The following TRMT11 variants were observed in gnomAD, a reference collection of about 807,000 sequenced individuals.
The protein encoded by TRMT11 is tRNA methyltransferase 11.
A neutral mutation model predicts 62.8 loss-of-function variants in TRMT11; 53 were observed. That is an observed-to-expected ratio of 0.84 (90% confidence interval 0.68 to 1.06). The LOEUF is 1.06. TRMT11 is among the 50% of genes least tolerant of loss of function. The probability of loss-of-function intolerance (pLI) is 0.00; values close to 1 mark genes in which losing one functional copy is unlikely to be tolerated. For synonymous variants in TRMT11, 188 were observed against 190.3 expected, an observed-to-expected ratio of 0.99 and a Z score of 0.10; for missense variants, 556 against 553.4, an observed-to-expected ratio of 1.00 and a Z score of -0.05.
At chr6:126,056,777 G>C (rs1776386229) in intron 17 of TRMT11, among the ~76,000 whole-genome samples, 1 of 152,212 alleles carries the variant, frequency 6.6e-6, no homozygotes. Flanking sequence ...CTGATGTGCG[G>C]TTAAATGTGC....
chr6:126,053,864 A>G (rs1374340563), intron 17 of TRMT11, among the ~76,000 whole-genome samples: 23 of 152,216 alleles, frequency 1.5e-4, no homozygotes, highest in Non-Finnish European at 2.9e-5. Flanking sequence ...CATCTAAGTT[A>G]ACCCCTAAAG....
chr6:126,228,327 G>A, the TRMT11 span, among the ~76,000 whole-genome samples: 22 of 152,280 alleles, frequency 1.4e-4, no homozygotes, highest in African/African-American at 4.8e-4. Flanking sequence ...GAAGCAAGTC[G>A]CTCTGCTTTC....
intron 1 of TRMT11, among the ~76,000 whole-genome samples, chr6:126,178,728 T>C (rs1174007248): frequency 1.3e-5 from 2 of 152,164 alleles, no homozygotes; most frequent in African/African-American, 4.8e-5. Context: ...TCTTTTTTCT[T>C]GACCCCAGAC....
chr6:126,058,637 C>G (rs1040144164), intron 17 of TRMT11, among the ~76,000 whole-genome samples: 1 of 152,128 alleles, frequency 6.6e-6, no homozygotes, highest in Non-Finnish European at 1.5e-5. Flanking sequence ...AATCCAGGAG[C>G]TGGTTTTTTG....
chr6:125,986,725 G>A, intron 1 of TRMT11, 103 bp downstream of exon 1: 1 of 1,169,100 alleles, frequency 8.6e-7, no homozygotes, highest in Non-Finnish European at 1.2e-6. Flanking sequence ...TGGGATTCGG[G>A]GGTCTTCGCT....
chr6:126,229,715 G>A, the TRMT11 span, among the ~76,000 whole-genome samples: 1 of 152,092 alleles, frequency 6.6e-6, no homozygotes, highest in African/African-American at 2.4e-5. Flanking sequence ...GGCACCTCTG[G>A]CTTTAACTTC....
chr6:126,114,364 G>A (rs573260539), intron 18 of TRMT11, among the ~76,000 whole-genome samples: 1 of 152,188 alleles, frequency 6.6e-6, no homozygotes, highest in South Asian at 2.1e-4. Context: ...ATCCCAGTGA[G>A]GACATCCAGG....
intron 21 of TRMT11, among the ~76,000 whole-genome samples, chr6:126,138,291 G>A (rs1562331440): frequency 3.3e-5 from 5 of 151,760 alleles, no homozygotes; most frequent in Admixed American, 2.6e-4. Context: ...CTGAATATCT[G>A]GTAATATAAA....
chr6:126,125,697 T>C (rs1225954165), intron 21 of TRMT11, among the ~76,000 whole-genome samples: 2 of 152,038 alleles, frequency 1.3e-5, no homozygotes, highest in Non-Finnish European at 2.9e-5. Flanking sequence ...TCTTAGTAAA[T>C]ATCCTAAGAT....
rs373305327 is a variant in TRMT11 at position 125,986,644 on chromosome 6, G to T, written c.72+22G>T. The T allele has an allele frequency of 2.6e-6, 4 of 1,568,438 alleles. No individual in the cohort carries two copies. In the South Asian group the frequency reaches 4.7e-5, roughly 18 times the overall value. ...GCCGGTGAGTCCGTAGCGCCCTCCG[G>T]AACTTCCGACGGAAGAGGACGCTGG... On this transcript the variant is annotated intron_variant, in intron 1 of 12. Transcript: ENST00000334379.
chr6:126,177,221 T>A (rs1778396784), exon 1 of TRMT11: 1 of 152,186 alleles, frequency 6.6e-6, no homozygotes, highest in Non-Finnish European at 1.5e-5. Flanking sequence ...TGAACTTGGG[T>A]TAATTCCTCT....
chr6:126,008,596 T>C (rs1793719915), intron 8 of TRMT11, 124 bp downstream of exon 8: 1 of 844,556 alleles, frequency 1.2e-6, no homozygotes, highest in Non-Finnish European at 2.0e-6. Flanking sequence ...CTCAGATTTA[T>C]TTCCATCTCT....
rs1199202335 is a variant in TRMT11, at chr6:126,093,629, A to ATTTTTTTTT, written c.*1438-19236_*1438-19235insTTTTTTTTT. Among the ~76,000 whole-genome samples, 149 of 94,028 alleles carry ATTTTTTTTT rather than the reference A, an allele frequency of 1.6e-3. 9 individuals are homozygous for ATTTTTTTTT. Among genetic ancestry groups the ATTTTTTTTT allele is most frequent in the African/African-American group, 5.4e-3 (118 of 21,818 alleles). The allele number at this position is 94,028 out of a possible 152,430, so 61.7% of individuals were successfully genotyped here. A position where few individuals can be genotyped will look rare whatever the true frequency, so the allele number is the denominator to read the frequency against. ...TATATATATATATATATATATATAT[A>ATTTTTTTTT]TATTTTCCCCCAGTCCTGGAGGATC... On this transcript the variant is annotated intron_variant and NMD_transcript_variant, in intron 17 of 22. Coordinates refer to the TRMT11 transcript ENST00000648977.
downstream of TRMT11, among the ~76,000 whole-genome samples, chr6:126,203,123 A>G (rs1209906007): frequency 6.6e-6 from 1 of 152,186 alleles, no homozygotes; most frequent in East Asian, 1.9e-4. Context: ...GACTAGCACC[A>G]CTTTCTGTAC....
chr6:125,986,723 G>A, intron 1 of TRMT11, 101 bp downstream of exon 1: 1 of 1,177,508 alleles, frequency 8.5e-7, no homozygotes, highest in Non-Finnish European at 1.2e-6. Context: ...GCTGGGATTC[G>A]GGGGTCTTCG....
the TRMT11 span, among the ~76,000 whole-genome samples, chr6:126,210,199 G>C: frequency 6.6e-6 from 1 of 152,158 alleles, no homozygotes; most frequent in Non-Finnish European, 1.5e-5. Flanking sequence ...CTTTAAAAGA[G>C]GGTCTTGAAA....
chr6:126,257,901 T>C, the TRMT11 span: 2 of 1,470,588 alleles, frequency 1.4e-6, no homozygotes, highest in Non-Finnish European at 1.9e-6. Flanking sequence ...TGAGCCACCA[T>C]TCACCTGGGT....
rs537663477 is a variant in TRMT11 at position 125,997,752 on chromosome 6, A to G, written c.213-301A>G. On this transcript the variant is annotated intron_variant, in intron 3 of 12. Coordinates refer to ENST00000334379, the MANE Select transcript of TRMT11 (RefSeq NM_001031712.3). ...TTGAACTCCTGGGCTCCAGTGATCC[A>G]CCCACCTCGGCCTCCCAAGATGCTG... 1.9e-3 allele frequency among the ~76,000 whole-genome samples: 286 copies of G among 152,116 alleles called. 3 individuals are homozygous for G. Among genetic ancestry groups the G allele is most frequent in the African/African-American group, 6.2e-3 (257 of 41,508 alleles).
chr6:126,104,254 C>G (rs1562323677), intron 17 of TRMT11, among the ~76,000 whole-genome samples: 1 of 152,142 alleles, frequency 6.6e-6, no homozygotes, highest in Non-Finnish European at 1.5e-5. Context: ...GTAGTCAACT[C>G]AAGCTTTACT....
Sources: gnomAD v4.1 joint callset for allele counts (sites outside exome capture counted in the v4.1 genomes callset) on GRCh38, gnomAD v4.1.1 for gene constraint, MANE v1.5 for transcripts, NCBI Gene and HGNC (gene_info 2026-07-23, HGNC 2026-07-21) for gene names.